SRBD1: variants seen among roughly 807,000 people sequenced by gnomAD.
SRBD1 encodes the protein S1 RNA binding domain 1, also known as S1 RNA-binding domain-containing protein 1.
In SRBD1, 88 loss-of-function variants were observed where a neutral mutation model predicts 115.3. That is an observed-to-expected ratio of 0.76 (90% CI 0.64 to 0.91). The LOEUF is 0.91. SRBD1 is among the 40% of genes least tolerant of loss of function. The pLI is 0.00. For synonymous variants in SRBD1, 509 were observed against 407.7 expected (o/e 1.25, Z -2.99); for missense variants, 1,385 against 1,177.4 (o/e 1.18, Z -2.58).
At chr2:45,504,530 C>CATA (rs1314157835) in intron 14 of SRBD1, among the ~76,000 whole-genome samples, 48 of 152,260 alleles carry the variant, frequency 3.2e-4, no homozygotes, top group African/African-American at 1.1e-3. Flanking sequence ...TTACTCAAAG[C>CATA]ATACAGCCAA....
intron 19 of SRBD1, among the ~76,000 whole-genome samples, chr2:45,403,350 T>C (rs1473408389): frequency 6.6e-6 from 1 of 152,070 alleles, no homozygotes; most frequent in Non-Finnish European, 1.5e-5. Flanking sequence ...AATACATGAA[T>C]TAAAGTAAAG....
chr2:45,515,471 T>A (rs1558447481), intron 14 of SRBD1, among the ~76,000 whole-genome samples: 3 of 152,182 alleles, frequency 2.0e-5, no homozygotes, highest in Non-Finnish European at 4.4e-5. Context: ...AATTCACATA[T>A]TCCTGAGATG....
rs575814494 is a variant in SRBD1, at chr2:45,452,709, A to G, written c.2049+24284T>C. Among the ~76,000 whole-genome samples, 11 of 152,016 alleles carry G rather than the reference A, an allele frequency of 7.2e-5. No individual in the cohort carries two copies. In the South Asian group the frequency reaches 2.3e-3, roughly 32 times the overall value. ...ATAGATCTTCCTATGAGAATATCCAATATTTGGTTCTGAATGTTTTTAATT... is the reference window on the plus strand; with the variant it reads ...ATAGATCTTCCTATGAGAATATCCAGTATTTGGTTCTGAATGTTTTTAATT... On this transcript the variant is annotated intron_variant, in intron 16 of 20. Transcript: ENST00000263736.
At chr2:45,524,161 G>A (rs1282893185) in intron 14 of SRBD1, among the ~76,000 whole-genome samples, 3 of 151,934 alleles carry the variant, frequency 2.0e-5, no homozygotes, top group Admixed American at 1.3e-4. Flanking sequence ...CCTTGATCAG[G>A]TAAAAAGCAT....
At chr2:45,554,860 T>C (rs1490763643) in intron 10 of SRBD1, among the ~76,000 whole-genome samples, 3 of 152,192 alleles carry the variant, frequency 2.0e-5, no homozygotes, top group African/African-American at 7.2e-5. Context: ...TCCCCTTAAC[T>C]GCTCTATAGG....
chr2:45,515,117 AAG>A (rs1428932736), intron 14 of SRBD1, among the ~76,000 whole-genome samples: 2 of 152,196 alleles, frequency 1.3e-5, no homozygotes, highest in African/African-American at 4.8e-5. Flanking sequence ...ACATGGGAAC[AAG>A]AGAGAGTAGA....
intron 7 of SRBD1, among the ~76,000 whole-genome samples, chr2:45,578,256 C>T (rs567712090): frequency 4.6e-5 from 7 of 152,182 alleles, no homozygotes; most frequent in Non-Finnish European, 7.3e-5. Context: ...GATGACTGGG[C>T]ACAGACAGTT....
rs188020642 is a variant in SRBD1, at chr2:45,409,444, A to T, written c.2513+3670T>A. On this transcript the variant is annotated intron_variant, in intron 19 of 20. Transcript: ENST00000263736. The stretch of plus-strand genomic sequence containing the variant: ...TCTGAACCATGGCCCAAAGTTGAGA[A>T]CAAGACAAGGATATCTACTCTCACC... 5.3e-5 allele frequency among the ~76,000 whole-genome samples: 8 copies of T among 151,866 alleles called. No homozygotes were observed. In the East Asian group the frequency reaches 1.5e-3, roughly 29 times the overall value.
intron 4 of SRBD1, among the ~76,000 whole-genome samples, chr2:45,598,508 G>C (rs953153862): frequency 6.6e-6 from 1 of 152,054 alleles, no homozygotes; most frequent in African/African-American, 2.4e-5. Flanking sequence ...CAGCTACTCG[G>C]GAGGCTGAGG....
At chr2:45,514,073 T>TA (rs1441761340) in intron 14 of SRBD1, among the ~76,000 whole-genome samples, 1 of 152,106 alleles carries the variant, frequency 6.6e-6, no homozygotes, top group Non-Finnish European at 1.5e-5. Context: ...ACCACGGGGT[T>TA]AAAGTAAGAA....
At chr2:45,581,532 A>G (rs955851460) in intron 6 of SRBD1, among the ~76,000 whole-genome samples, 161 bp downstream of exon 6, 1 of 152,102 alleles carries the variant, frequency 6.6e-6, no homozygotes, top group African/African-American at 2.4e-5. Flanking sequence ...CAAAAAAAAC[A>G]CTCTATAAAT....
chr2:45,585,060 G>GAGTC (rs1006990145), intron 5 of SRBD1, among the ~76,000 whole-genome samples: 1 of 152,002 alleles, frequency 6.6e-6, no homozygotes, highest in African/African-American at 2.4e-5. Context: ...TGAGGCAGGA[G>GAGTC]AGTCGCCTGA....
intron 14 of SRBD1, among the ~76,000 whole-genome samples, chr2:45,545,018 T>C (rs989775589): frequency 1.4e-4 from 21 of 152,000 alleles, no homozygotes; most frequent in Non-Finnish European, 2.5e-4. Flanking sequence ...CGGTGGCTCA[T>C]GCCTGTAATC....
At chr2:45,500,345 ATG>A (rs1204838842) in intron 14 of SRBD1, among the ~76,000 whole-genome samples, 1 of 149,828 alleles carries the variant, frequency 6.7e-6, no homozygotes, top group African/African-American at 2.5e-5. Context: ...TGGTGTGTAT[ATG>A]TGTGTGTGTA....
At chr2:45,541,291 G>A (rs1671926827) in intron 14 of SRBD1, among the ~76,000 whole-genome samples, 1 of 152,250 alleles carries the variant, frequency 6.6e-6, no homozygotes, top group African/African-American at 2.4e-5. Context: ...AGGAACCAGA[G>A]AGTCCCAAAG....
chr2:45,482,145 A>T (rs1217358880), intron 15 of SRBD1, among the ~76,000 whole-genome samples: 1 of 152,130 alleles, frequency 6.6e-6, no homozygotes, highest in Non-Finnish European at 1.5e-5. Flanking sequence ...ATTATTTTTT[A>T]AAATGTAGTA....
intron 13 of SRBD1, 98 bp from the exon 14 acceptor site, chr2:45,546,937 C>G (rs1013714310): frequency 7.9e-5 from 89 of 1,122,252 alleles, no homozygotes; most frequent in Non-Finnish European, 1.7e-5. Context: ...TTATATGATT[C>G]TCTTATTCTC....
intron 16 of SRBD1, among the ~76,000 whole-genome samples, chr2:45,426,269 C>T (rs1668151582): frequency 6.6e-6 from 1 of 152,212 alleles, no homozygotes; most frequent in Non-Finnish European, 1.5e-5. Flanking sequence ...AGCAGCTCTG[C>T]AAAGCCACTG....
chr2:45,600,356 C>G (rs1674054183), intron 3 of SRBD1, among the ~76,000 whole-genome samples: 1 of 152,076 alleles, frequency 6.6e-6, no homozygotes, highest in African/African-American at 2.4e-5. Context: ...ATTATTTCTT[C>G]CCATTGCATG....
Sources: allele counts gnomAD v4.1 joint callset (sites outside exome capture counted in the v4.1 genomes callset), GRCh38; gene constraint gnomAD v4.1.1; transcripts MANE v1.5; gene names NCBI Gene and HGNC (gene_info 2026-07-23, HGNC 2026-07-21).